Variants in PPP6R2 observed in about 807,000 individuals in gnomAD.
PPP6R2 encodes serine/threonine-protein phosphatase 6 regulatory subunit 2.
Under a neutral mutation model 100.2 loss-of-function variants are expected in PPP6R2, and 62 were observed. The ratio of observed to expected loss-of-function variants is 0.62; its 90% CI spans 0.50 to 0.76. PPP6R2 has a LOEUF of 0.76. Ranked by LOEUF, PPP6R2 falls within the 30% of genes least tolerant of loss-of-function variation. The pLI is 0.00. For missense variants in PPP6R2, 1,142 were observed against 1,276.3 expected (o/e 0.89, Z 1.60); for synonymous variants, 525 against 514.7 (o/e 1.02, Z -0.27).
At chr22:50,343,257 C>A, upstream of PPP6R2, 1 of 150,408 alleles carries the variant, frequency 6.6e-6, no homozygotes, top group South Asian at 1.8e-4. Context: ...CGCGCGGCCC[C>A]GCCCCCGGCC....
intron 15 of PPP6R2, 99 bp downstream of exon 15, chr22:50,437,167 C>G: frequency 8.4e-7 from 1 of 1,186,034 alleles, no homozygotes; most frequent in Non-Finnish European, 1.2e-6. Context: ...ATCTCACTAG[C>G]AAAGGGGAGC....
Position 50,418,946 on chromosome 22 carries a change from T to C in PPP6R2, c.698T>C (p.Leu233Pro). Residue 233 changes from leucine (L) to proline (P), a missense_variant, in exon 7 of 24, where the codon CTG becomes CCG. Leu to Pro is a moderately conservative substitution (Grantham distance 98, BLOSUM62 -3). This residue lies in a region of PPP6R2 where 592 missense variants were observed against 758.9 expected (regional missense o/e 0.78). Coordinates refer to ENST00000612753, the MANE Select transcript of PPP6R2 (RefSeq NM_001242898.2). ...RDQGSQLQEALEPDPLLTALE... is the reference protein window; with the variant it reads ...RDQGSQLQEAPEPDPLLTALE... Reference sequence around the variant, plus strand: ...CAGGGCAGTCAGCTGCAAGAGGCTCTGGAGCCAGACCCGCTCCTCACAGCG... The same window carrying C: ...CAGGGCAGTCAGCTGCAAGAGGCTCCGGAGCCAGACCCGCTCCTCACAGCG... 1 of 1,613,926 alleles carries C rather than the reference T, an allele frequency of 6.2e-7. No homozygotes were observed. Among genetic ancestry groups the C allele is most frequent in the Non-Finnish European group, 8.5e-7 (1 of 1,179,824 alleles).
At position 50,380,182 on chromosome 22, in the gene PPP6R2, C is replaced by G. The variant is rs113587332; in HGVS notation, c.-17+8032C>G. Among the ~76,000 whole-genome samples the G allele has an allele frequency of 3.8e-3, 579 of 151,868 alleles. 6 individuals are homozygous for G. The highest frequency in any genetic ancestry group is 0.013 in the African/African-American group (544 of 41,424). On this transcript the variant is annotated intron_variant, in intron 2 of 23. Transcript: ENST00000612753. Reference sequence around the variant, plus strand: ...AAAGGGAAGCTAGCTTGTAGAGACCCCGTGGTGATAGAGAGGAAGAGAGAG... The same window carrying G: ...AAAGGGAAGCTAGCTTGTAGAGACCGCGTGGTGATAGAGAGGAAGAGAGAG...
chr22:50,398,105 G>A (rs1008506789), intron 3 of PPP6R2, among the ~76,000 whole-genome samples: 12 of 152,118 alleles, frequency 7.9e-5, no homozygotes, highest in African/African-American at 2.4e-4. Context: ...GGCTGAGGTG[G>A]GAGGATCACT....
rs995709757 is a variant in PPP6R2, at chr22:50,423,908, C to T, written c.1125+294C>T. ...ATGGAATAGAGTGACACGTCTACCT[C>T]CTTTCTCATGTTCTGACTGAACAAC... On this transcript the variant is annotated intron_variant, in intron 10 of 23. Coordinates refer to ENST00000612753, the MANE Select transcript of PPP6R2 (RefSeq NM_001242898.2). The surrounding 1 kb of genome is among the most constrained non-coding windows in gnomAD (Gnocchi z 4.8). Among the ~76,000 whole-genome samples the T allele has an allele frequency of 1.3e-5, 2 of 152,252 alleles. No individual in the cohort carries two copies. The highest frequency in any genetic ancestry group is 2.1e-4 in the South Asian group (1 of 4,832).
intron 7 of PPP6R2, 49 bp from the exon 8 acceptor site, chr22:50,419,300 G>A: frequency 6.7e-7 from 1 of 1,485,904 alleles, no homozygotes; most frequent in Non-Finnish European, 9.4e-7. Flanking sequence ...TGCATCCTTT[G>A]TGTGTGTGTC....
intron 10 of PPP6R2, among the ~76,000 whole-genome samples, chr22:50,430,506 G>A (rs897359111): frequency 6.6e-6 from 1 of 152,202 alleles, no homozygotes; most frequent in African/African-American, 2.4e-5. Flanking sequence ...AAAGTTGATT[G>A]TATACAGGGA....
intron 2 of PPP6R2, among the ~76,000 whole-genome samples, chr22:50,375,540 T>G (rs1283197267): frequency 6.6e-6 from 1 of 152,128 alleles, no homozygotes; most frequent in African/African-American, 2.4e-5. Flanking sequence ...CCTCAAGGTG[T>G]GAGGGCAGAC....
chr22:50,362,497 C>T (rs969769565), intron 1 of PPP6R2, among the ~76,000 whole-genome samples: 1 of 152,154 alleles, frequency 6.6e-6, no homozygotes, highest in Non-Finnish European at 1.5e-5. Flanking sequence ...TTACTGTGTT[C>T]CCGTTGCAGA....
At chr22:50,367,107 C>G (rs2048921681) in intron 1 of PPP6R2, among the ~76,000 whole-genome samples, 1 of 151,954 alleles carries the variant, frequency 6.6e-6, no homozygotes, top group Non-Finnish European at 1.5e-5. Flanking sequence ...GAAATACTCA[C>G]GGGCACCTAG....
chr22:50,434,164 G>A lies in PPP6R2; in HGVS notation c.1401-802G>A, dbSNP rs1345499835. On this transcript the variant is annotated intron_variant, in intron 12 of 23. Transcript: ENST00000612753. ...GTGAACCTGGAGGAGGGCCGGGGGC[G>A]CAGACGCTGGGCAGGGGCTGGGCAT... 1.2e-4 allele frequency among the ~76,000 whole-genome samples: 6 copies of A among 50,710 alleles called. 1 individual carries two copies. Among genetic ancestry groups the A allele is most frequent in the Non-Finnish European group, 2.3e-4 (6 of 25,708 alleles). 33.3% of individuals were successfully genotyped at this position (50,710 alleles called of 152,430 possible). A position where few individuals can be genotyped will look rare whatever the true frequency, so the allele number is the denominator to read the frequency against.
rs187017796 is a variant in PPP6R2 at position 50,405,224 on chromosome 22, C to T, written c.228-1465C>T. 3.3e-5 allele frequency among the ~76,000 whole-genome samples: 5 copies of T among 151,866 alleles called. No homozygotes were observed. In the East Asian group the frequency reaches 9.7e-4, roughly 29 times the overall value. On this transcript the variant is annotated intron_variant, in intron 3 of 23. Coordinates refer to ENST00000612753, the MANE Select transcript of PPP6R2 (RefSeq NM_001242898.2). The stretch of plus-strand genomic sequence containing the variant: ...GGCCACAGATGTGGCCTCGCGGAAA[C>T]AGTGTGGTTAGACTGGAGGTGAGAG...
intron 1 of PPP6R2, among the ~76,000 whole-genome samples, chr22:50,351,038 T>TTTG (rs1569254775): frequency 3.0e-5 from 2 of 66,098 alleles, no homozygotes; most frequent in African/African-American, 6.7e-5. Flanking sequence ...TTTTTTTTTT[T>TTTG]TTTTTTTTTT....
intron 2 of PPP6R2, among the ~76,000 whole-genome samples, chr22:50,384,035 CAAAA>C (rs547396966): frequency 4.0e-5 from 3 of 75,922 alleles, no homozygotes; most frequent in African/African-American, 6.0e-5. Context: ...GACTCCATCT[CAAAA>C]AAAAAAAAAA....
rs574455078 is a variant in PPP6R2 at position 50,433,414 on chromosome 22, G to A, written c.1400+1085G>A. On this transcript the variant is annotated intron_variant, in intron 12 of 23. Coordinates refer to ENST00000612753, the MANE Select transcript of PPP6R2 (RefSeq NM_001242898.2). ...CTGGAGGTGAACCTGGAGGAGGGCT[G>A]GGGGCATGGATGCTGGGCAGGGGCC... 2.4e-5 allele frequency among the ~76,000 whole-genome samples: 2 copies of A among 82,702 alleles called. 1 individual carries two copies. Among genetic ancestry groups the A allele is most frequent in the African/African-American group, 8.7e-5 (2 of 22,894 alleles). 54.3% of individuals were successfully genotyped at this position (82,702 alleles called of 152,430 possible).
At chr22:50,357,342 T>C (rs2046816723) in intron 1 of PPP6R2, among the ~76,000 whole-genome samples, 1 of 151,916 alleles carries the variant, frequency 6.6e-6, no homozygotes, top group Non-Finnish European at 1.5e-5. Flanking sequence ...AGGGGGTGAA[T>C]TTTTTTTGTT....
At chr22:50,438,143 T>C in intron 17 of PPP6R2, 31 bp from the exon 18 acceptor site, 1 of 1,596,666 alleles carries the variant, frequency 6.3e-7, no homozygotes, top group Non-Finnish European at 8.5e-7. Context: ...CCAGACCCTC[T>C]GGAAACTCAC....
At chr22:50,438,439 G>A (rs2064865052) in intron 18 of PPP6R2, 141 bp downstream of exon 18, 12 of 1,459,252 alleles carry the variant, frequency 8.2e-6, no homozygotes, top group Non-Finnish European at 1.1e-5. Flanking sequence ...AATGCAGCGG[G>A]TGACCCTAAG....
chr22:50,340,500 G>C (rs1190498687), upstream of PPP6R2, among the ~76,000 whole-genome samples: 1 of 93,358 alleles, frequency 1.1e-5, no homozygotes, highest in South Asian at 3.5e-4. Flanking sequence ...TGTGTGTAGG[G>C]TGTGGTGTGT....
Sources: gnomAD v4.1 joint callset for allele counts (sites outside exome capture counted in the v4.1 genomes callset) on GRCh38, gnomAD v4.1.1 for gene constraint, gnomAD v4.1.1 regional missense constraint, Gnocchi (gnomAD v3.1) non-coding constraint, MANE v1.5 for transcripts, NCBI Gene and HGNC (gene_info 2026-07-23, HGNC 2026-07-21) for gene names.